The following UACA variants were observed in gnomAD, a reference collection of about 807,000 sequenced individuals.
The protein encoded by UACA is uveal autoantigen with coiled-coil domains and ankyrin repeats, also known as nuclear membrane binding protein.
A neutral mutation model predicts 160.5 loss-of-function variants in UACA; 112 were observed. The ratio of observed to expected loss-of-function variants is 0.70; its 90% CI spans 0.60 to 0.82. UACA has a LOEUF of 0.82. UACA is among the 40% of genes least tolerant of loss of function. The pLI is 0.00. For synonymous variants in UACA, 557 were observed against 568.4 expected, an observed-to-expected ratio of 0.98 and a Z score of 0.29; for missense variants, 1,574 against 1,614.6, an observed-to-expected ratio of 0.97 and a Z score of 0.43.
intron 1 of UACA, among the ~76,000 whole-genome samples, chr15:70,708,156 A>C (rs1471186258): frequency 1.3e-5 from 2 of 152,194 alleles, no homozygotes; most frequent in Admixed American, 1.3e-4. Flanking sequence ...ATTATGCTAA[A>C]TGAAATTAGC....
chr15:70,719,449 C>T (rs1188613067), intron 1 of UACA, among the ~76,000 whole-genome samples: 1 of 152,194 alleles, frequency 6.6e-6, no homozygotes, highest in Non-Finnish European at 1.5e-5. Flanking sequence ...CCCACGGAAG[C>T]TCAATAAGCT....
intron 1 of UACA, 151 bp downstream of exon 1, chr15:70,763,179 G>C: frequency 1.2e-6 from 1 of 834,450 alleles, no homozygotes; most frequent in African/African-American, 1.8e-5. Flanking sequence ...TGGGCTGACG[G>C]AGTCTCCGGC....
intron 1 of UACA, 95 bp downstream of exon 1, chr15:70,763,235 A>G (rs2030884390): frequency 8.0e-7 from 1 of 1,244,916 alleles, no homozygotes; most frequent in Non-Finnish European, 1.0e-6. Context: ...CTGGCAGAGG[A>G]AAAGCAGAGG....
chr15:70,686,603 T>C lies in UACA; in HGVS notation c.602+937A>G, dbSNP rs192884805. ...GTGTGCTGCACCCATTAACTCGTCA[T>C]TTAGCATTAGGTACAGAATTTCCTC... On this transcript the variant is annotated intron_variant, in intron 7 of 18. Transcript: ENST00000322954. 2.6e-5 allele frequency among the ~76,000 whole-genome samples: 4 copies of C among 151,928 alleles called. No homozygotes were observed. In the East Asian group the frequency reaches 7.8e-4, roughly 29 times the overall value.
intron 13 of UACA, among the ~76,000 whole-genome samples, chr15:70,673,198 C>T (rs527667468): frequency 5.3e-5 from 8 of 152,006 alleles, no homozygotes; most frequent in South Asian, 2.1e-4. Flanking sequence ...CACCTGAGCC[C>T]GGGGAGGTCA....
Position 70,671,970 on chromosome 15 carries a change from C to T in UACA, c.1163G>A (p.Ser388Asn), listed in dbSNP as rs1228442003. ...SDHLGSGSHF[S>N]NRKEDMLLKQ... is the part of the protein sequence containing the mutation. Reference sequence around the variant, plus strand: ...ATCCATACTTTTATACTTACGGTTACTGAAATGACTTCCTGATCCTAAATG... The same window carrying T: ...ATCCATACTTTTATACTTACGGTTATTGAAATGACTTCCTGATCCTAAATG... The change falls in exon 14 of 19, where the codon AGT becomes AAT. Residue 388 changes from serine to asparagine, a missense_variant. Coordinates refer to ENST00000322954, the MANE Select transcript of UACA (RefSeq NM_018003.4). 1.9e-6 allele frequency: 3 copies of T among 1,595,434 alleles called. No individual in the cohort carries two copies. Among genetic ancestry groups the T allele is most frequent in the Non-Finnish European group, 2.6e-6 (3 of 1,171,000 alleles).
At chr15:70,714,295 A>G (rs1898765322) in intron 1 of UACA, among the ~76,000 whole-genome samples, 1 of 152,224 alleles carries the variant, frequency 6.6e-6, no homozygotes, top group South Asian at 2.1e-4. Flanking sequence ...ACAGCAAATT[A>G]GAGCTTATGT....
At chr15:70,721,050 C>T (rs930400343) in intron 1 of UACA, among the ~76,000 whole-genome samples, 2 of 152,144 alleles carry the variant, frequency 1.3e-5, no homozygotes, top group African/African-American at 4.8e-5. Flanking sequence ...GCTGACAAAC[C>T]ACCAAGATTT....
At chr15:70,675,347 G>A (rs954220204) in intron 13 of UACA, among the ~76,000 whole-genome samples, 4 of 152,132 alleles carry the variant, frequency 2.6e-5, no homozygotes, top group African/African-American at 7.2e-5. Flanking sequence ...CATTCTTTGG[G>A]TTATAAAATG....
chr15:70,736,620 T>C (rs376430998), intron 1 of UACA, among the ~76,000 whole-genome samples: 91 of 152,186 alleles, frequency 6.0e-4, no homozygotes, highest in African/African-American at 2.0e-3. Context: ...TATATATTTT[T>C]AGTAGAGAGG....
intron 1 of UACA, among the ~76,000 whole-genome samples, chr15:70,721,418 G>C (rs1028515339): frequency 6.6e-5 from 10 of 152,166 alleles, no homozygotes; most frequent in Admixed American, 2.6e-4. Flanking sequence ...AAGGTCAGGA[G>C]ATCGAGACCA....
intron 1 of UACA, among the ~76,000 whole-genome samples, chr15:70,707,420 A>G (rs536516060): frequency 1.3e-5 from 2 of 152,318 alleles, no homozygotes; most frequent in East Asian, 3.9e-4. Context: ...AAGCAAAAAT[A>G]GATCAATGAA....
chr15:70,748,502 A>G (rs1420357939), intron 1 of UACA, among the ~76,000 whole-genome samples: 1 of 152,248 alleles, frequency 6.6e-6, no homozygotes, highest in African/African-American at 2.4e-5. Context: ...AACAGAAGCC[A>G]GCTCCAAAGC....
At chr15:70,725,703 A>T (rs898218440) in intron 1 of UACA, among the ~76,000 whole-genome samples, 1 of 152,228 alleles carries the variant, frequency 6.6e-6, no homozygotes, top group African/African-American at 2.4e-5. Flanking sequence ...GAACCAAAAA[A>T]TAAAAACCAA....
intron 1 of UACA, among the ~76,000 whole-genome samples, chr15:70,746,925 T>C (rs1328186624): frequency 1.3e-5 from 2 of 151,444 alleles, no homozygotes; most frequent in African/African-American, 4.9e-5. Flanking sequence ...TAAGTAGGAG[T>C]TGAACAATGA....
intron 1 of UACA, among the ~76,000 whole-genome samples, chr15:70,751,944 C>A (rs1187936716): frequency 1.3e-5 from 2 of 151,918 alleles, no homozygotes; most frequent in African/African-American, 4.8e-5. Context: ...CATTTAAAAA[C>A]CTCTAACATG....
chr15:70,760,796 A>T (rs1251483920), intron 1 of UACA, among the ~76,000 whole-genome samples: 1 of 145,606 alleles, frequency 6.9e-6, no homozygotes, highest in African/African-American at 2.6e-5. Context: ...ACCGAGCGAG[A>T]CTCCGTCTCA....
At chr15:70,766,841 G>A (rs2031020015), upstream of UACA, among the ~76,000 whole-genome samples, 1 of 152,198 alleles carries the variant, frequency 6.6e-6, no homozygotes. Flanking sequence ...CAGGGGACCT[G>A]CCAGAACAGG....
chr15:70,741,961 CA>C (rs149878415), intron 1 of UACA, among the ~76,000 whole-genome samples: 3,879 of 152,230 alleles, frequency 0.025, 177 homozygotes, highest in African/African-American at 0.09. Flanking sequence ...TCACCACACC[CA>C]AAAGTGTTTA....
Sources: allele counts gnomAD v4.1 joint callset (sites outside exome capture counted in the v4.1 genomes callset), GRCh38; gene constraint gnomAD v4.1.1; transcripts MANE v1.5; gene names NCBI Gene and HGNC (gene_info 2026-07-23, HGNC 2026-07-21).